MARCHF1: variants seen among roughly 807,000 people sequenced by gnomAD.
The protein encoded by MARCHF1 is E3 ubiquitin-protein ligase MARCHF1.
A neutral mutation model predicts 54.2 loss-of-function variants in MARCHF1; 40 were observed. That is an observed-to-expected ratio of 0.74 (90% CI 0.57 to 0.96). The LOEUF (loss-of-function observed/expected upper bound fraction) is 0.96, where lower values mean the gene tolerates loss of function less well. MARCHF1 is among the 40% of genes least tolerant of loss of function. The pLI, the probability that MARCHF1 is intolerant of heterozygous loss-of-function variation, is 0.00. For synonymous variants in MARCHF1, 236 were observed against 236.3 expected (o/e 1.00, Z 0.01); for missense variants, 586 against 656.5 (o/e 0.89, Z 1.17).
At chr4:163,902,783 C>G (rs1166688956) in intron 3 of MARCHF1, among the ~76,000 whole-genome samples, 2 of 152,176 alleles carry the variant, frequency 1.3e-5, no homozygotes, top group Admixed American at 1.3e-4. Context: ...ATTACTGCTG[C>G]AAATAAATGC....
chr4:164,137,246 T>G (rs1257677968), intron 1 of MARCHF1, among the ~76,000 whole-genome samples: 3 of 152,228 alleles, frequency 2.0e-5, no homozygotes, highest in Non-Finnish European at 2.9e-5. Context: ...TTTCTAACTT[T>G]AAAATTGTCA....
intron 1 of MARCHF1, chr4:164,234,717 T>C (rs1732500166): frequency 6.6e-6 from 1 of 152,042 alleles, no homozygotes; most frequent in Non-Finnish European, 1.5e-5. Flanking sequence ...ACAATGAAAA[T>C]GATGTGATTT....
chr4:164,360,319 CT>C (rs1730688032), intron 1 of MARCHF1, among the ~76,000 whole-genome samples: 1 of 152,090 alleles, frequency 6.6e-6, no homozygotes, highest in African/African-American at 2.4e-5. Flanking sequence ...ATCTGACTCC[CT>C]GTTGAGTGAA....
intron 4 of MARCHF1, among the ~76,000 whole-genome samples, chr4:163,733,964 GAATA>G (rs1437858669): frequency 6.6e-6 from 1 of 151,946 alleles, no homozygotes; most frequent in Non-Finnish European, 1.5e-5. Flanking sequence ...AATAATAAGA[GAATA>G]AACAACTCAA....
At chr4:164,302,111 G>A (rs1734576001) in intron 1 of MARCHF1, among the ~76,000 whole-genome samples, 1 of 152,124 alleles carries the variant, frequency 6.6e-6, no homozygotes, top group Non-Finnish European at 1.5e-5. Flanking sequence ...TGGCTCTTTT[G>A]GAAAGTAGTG....
intron 1 of MARCHF1, among the ~76,000 whole-genome samples, chr4:164,369,996 G>A (rs1019974643): frequency 1.3e-5 from 2 of 152,004 alleles, no homozygotes; most frequent in African/African-American, 2.4e-5. Context: ...ATAATCCTGG[G>A]AATAAATTGC....
At chr4:164,251,213 T>G (rs771019815) in intron 1 of MARCHF1, among the ~76,000 whole-genome samples, 15 of 152,152 alleles carry the variant, frequency 9.9e-5, no homozygotes, top group Non-Finnish European at 2.1e-4. Flanking sequence ...AATTTGCTCT[T>G]TCCTTAACAT....
At chr4:164,342,538 A>AT (rs1317897156) in intron 1 of MARCHF1, among the ~76,000 whole-genome samples, 22 of 120,894 alleles carry the variant, frequency 1.8e-4, no homozygotes, top group South Asian at 6.5e-4. Context: ...AATAATAATA[A>AT]AAAAATATTT....
chr4:163,770,900 T>C (rs575034118), intron 4 of MARCHF1, among the ~76,000 whole-genome samples: 1 of 152,338 alleles, frequency 6.6e-6, no homozygotes, highest in East Asian at 1.9e-4. Flanking sequence ...GCACGAGTGT[T>C]AACAAACAGT....
intron 4 of MARCHF1, among the ~76,000 whole-genome samples, chr4:163,831,187 G>A (rs1749013085): frequency 6.6e-6 from 1 of 152,308 alleles, no homozygotes; most frequent in African/African-American, 2.4e-5. Context: ...AGTGACAAAG[G>A]GAGTGGGGGC....
intron 2 of MARCHF1, among the ~76,000 whole-genome samples, chr4:164,013,247 T>C (rs113408984): frequency 3.5e-4 from 53 of 152,152 alleles, no homozygotes; most frequent in African/African-American, 1.1e-3. Context: ...AGAAATACAA[T>C]TGAGAAACAT....
chr4:164,027,438 A>C (rs532050265), intron 2 of MARCHF1, among the ~76,000 whole-genome samples: 5 of 150,170 alleles, frequency 3.3e-5, no homozygotes, highest in Non-Finnish European at 7.4e-5. Flanking sequence ...AAAACCCAGA[A>C]ATAATCCTGC....
intron 8 of MARCHF1, among the ~76,000 whole-genome samples, chr4:163,567,234 A>G (rs1262704679): frequency 6.6e-6 from 1 of 152,188 alleles, no homozygotes; most frequent in African/African-American, 2.4e-5. Flanking sequence ...GAGTAATTCT[A>G]TATTAAAAAA....
intron 1 of MARCHF1, among the ~76,000 whole-genome samples, chr4:164,290,166 C>T (rs1457725601): frequency 6.6e-6 from 1 of 151,876 alleles, no homozygotes; most frequent in Non-Finnish European, 1.5e-5. Flanking sequence ...TGTACTCTTT[C>T]CAGTCAGAGG....
rs774603753 is a variant in MARCHF1 at position 163,828,054 on chromosome 4, C to CACAG, written c.111+25966_111+25967insCTGT. On this transcript the variant is annotated intron_variant, in intron 4 of 9. Coordinates refer to ENST00000514618, the MANE Select transcript of MARCHF1 (RefSeq NM_001394959.1). ...ACACACACACACACACACACACACACAGACACACCTTGTCATTCTCCTCCT... is the reference window on the plus strand; with the variant it reads ...ACACACACACACACACACACACACACACAGAGACACACCTTGTCATTCTCCTCCT... 1.4e-3 allele frequency among the ~76,000 whole-genome samples: 207 copies of CACAG among 148,310 alleles called. 1 individual carries two copies. Among genetic ancestry groups the CACAG allele is most frequent in the South Asian group, 7.8e-3 (36 of 4,608 alleles).
chr4:163,847,578 T>C (rs1749522898), intron 4 of MARCHF1, among the ~76,000 whole-genome samples: 1 of 4,530 alleles, frequency 2.2e-4, no homozygotes, highest in African/African-American at 5.0e-4. Context: ...TTTTTTTTTT[T>C]TTTTTTTTTT....
chr4:163,936,303 C>T (rs530976282), intron 3 of MARCHF1, among the ~76,000 whole-genome samples: 19 of 152,250 alleles, frequency 1.2e-4, no homozygotes, highest in African/African-American at 4.1e-4. Context: ...TGAGCACATG[C>T]TATTGAAAAA....
chr4:163,973,545 T>G (rs541602176), intron 3 of MARCHF1, among the ~76,000 whole-genome samples: 1 of 152,344 alleles, frequency 6.6e-6, no homozygotes, highest in Admixed American at 6.5e-5. Context: ...GCAAGTCACA[T>G]AGCCATGCCC....
At chr4:163,753,569 C>T (rs867416709) in intron 4 of MARCHF1, among the ~76,000 whole-genome samples, 1 of 152,002 alleles carries the variant, frequency 6.6e-6, no homozygotes, top group African/African-American at 2.4e-5. Flanking sequence ...TAGACAAGAC[C>T]AAACCCTTAA....
Sources: gnomAD v4.1 joint callset for allele counts (sites outside exome capture counted in the v4.1 genomes callset) on GRCh38, gnomAD v4.1.1 for gene constraint, MANE v1.5 for transcripts, NCBI Gene and HGNC (gene_info 2026-07-23, HGNC 2026-07-21) for gene names.